The following GABBR2 variants were observed in gnomAD, a reference collection of about 807,000 sequenced individuals.
The protein encoded by GABBR2 is gamma-aminobutyric acid type B receptor subunit 2.
A neutral mutation model predicts 105.6 loss-of-function variants in GABBR2; 23 were observed. That is an observed-to-expected ratio of 0.22 (90% CI 0.16 to 0.31). The LOEUF (loss-of-function observed/expected upper bound fraction) is 0.31. Ranked by LOEUF, GABBR2 falls within the 10% of genes least tolerant of loss-of-function variation. GABBR2 has a pLI of 1.00. For synonymous variants in GABBR2, 478 were observed against 499.7 expected (o/e 0.96, Z 0.58); for missense variants, 734 against 1,245.5 (o/e 0.59, Z 6.18).
At position 98,362,847 on chromosome 9, in the gene GABBR2, G is replaced by A. The variant is rs545849602; in HGVS notation, c.1771-10C>T. 1.3e-5 allele frequency: 20 copies of A among 1,563,988 alleles called. 1 individual carries two copies. Among genetic ancestry groups the A allele is most frequent in the South Asian group, 8.6e-5 (7 of 81,356 alleles). On this transcript the variant is annotated splice_polypyrimidine_tract_variant and intron_variant, in intron 12 of 18. Coordinates refer to ENST00000259455, the MANE Select transcript of GABBR2 (RefSeq NM_005458.8). ...TCTGGTCCTTGATGATCTACAGAGC[G>A]GGAAGGAGCAGAGGGGAGCCGATGT...
chr9:98,478,340 G>A (rs375871969), intron 5 of GABBR2, among the ~76,000 whole-genome samples: 3 of 152,064 alleles, frequency 2.0e-5, no homozygotes, highest in Admixed American at 6.5e-5. Context: ...TTGATCCAGC[G>A]TGAAAACATT....
chr9:98,531,692 A>C (rs950409492), intron 3 of GABBR2, among the ~76,000 whole-genome samples: 3 of 152,262 alleles, frequency 2.0e-5, no homozygotes, highest in African/African-American at 7.2e-5. Context: ...CACATGAAAG[A>C]ACAAGTGTTG....
chr9:98,567,184 A>T (rs1828764620), intron 2 of GABBR2, among the ~76,000 whole-genome samples: 1 of 152,238 alleles, frequency 6.6e-6, no homozygotes, highest in Non-Finnish European at 1.5e-5. Flanking sequence ...GCGGTGAAAG[A>T]CGCATAAACA....
At chr9:98,592,631 C>T (rs1829162637) in intron 1 of GABBR2, among the ~76,000 whole-genome samples, 1 of 152,056 alleles carries the variant, frequency 6.6e-6, no homozygotes, top group African/African-American at 2.4e-5. Context: ...TAGAGCTGGC[C>T]AGAGATAGTG....
chr9:98,611,776 C>A (rs1435379625), intron 1 of GABBR2, among the ~76,000 whole-genome samples: 1 of 152,254 alleles, frequency 6.6e-6, no homozygotes, highest in Non-Finnish European at 1.5e-5. Flanking sequence ...TGGCTGTGGT[C>A]ACACTACATC....
intron 1 of GABBR2, among the ~76,000 whole-genome samples, chr9:98,671,925 G>C (rs1269219670): frequency 2.6e-5 from 4 of 152,162 alleles, no homozygotes; most frequent in African/African-American, 7.2e-5. Context: ...AGAACTAGCA[G>C]ATAAAACCTA....
intron 13 of GABBR2, among the ~76,000 whole-genome samples, chr9:98,359,019 G>A (rs1001103725): frequency 6.6e-6 from 1 of 152,014 alleles, no homozygotes; most frequent in Non-Finnish European, 1.5e-5. Flanking sequence ...ATAAAATGGG[G>A]GCAAAAATAT....
chr9:98,344,567 T>C (rs868145491), intron 13 of GABBR2, among the ~76,000 whole-genome samples: 1 of 152,122 alleles, frequency 6.6e-6, no homozygotes, highest in African/African-American at 2.4e-5. Context: ...CTCTCCCTTT[T>C]CAAATTCTTC....
Position 98,675,504 on chromosome 9 carries a change from T to C in GABBR2, c.321+32913A>G, listed in dbSNP as rs529117363. Among the ~76,000 whole-genome samples the C allele has an allele frequency of 2.6e-5, 4 of 152,312 alleles. No homozygotes were observed. The South Asian group carries it at 8.3e-4, about 32-fold the overall frequency. On this transcript the variant is annotated intron_variant, in intron 1 of 18. Coordinates refer to ENST00000259455, the MANE Select transcript of GABBR2 (RefSeq NM_005458.8). ...TAGAGATGACGCCAAAGCCCTCAGC[T>C]TGTGTGATCAGCATGAGGACAGTTC...
intron 1 of GABBR2, among the ~76,000 whole-genome samples, chr9:98,652,049 G>A (rs998174505): frequency 6.6e-6 from 1 of 152,178 alleles, no homozygotes; most frequent in Non-Finnish European, 1.5e-5. Flanking sequence ...AATTGTTGAA[G>A]CTGGGTGATA....
intron 2 of GABBR2, among the ~76,000 whole-genome samples, chr9:98,575,313 A>G (rs1828891649): frequency 6.6e-6 from 1 of 152,142 alleles, no homozygotes; most frequent in South Asian, 2.1e-4. Flanking sequence ...GTATAGGAAG[A>G]ATGGGATGTT....
intron 13 of GABBR2, among the ~76,000 whole-genome samples, chr9:98,358,486 C>T (rs184880674): frequency 2.0e-5 from 3 of 152,356 alleles, no homozygotes. Context: ...GCCAGACTGG[C>T]GTCCCTCCTC....
At chr9:98,382,674 A>G (rs1316704531) in intron 11 of GABBR2, among the ~76,000 whole-genome samples, 2 of 152,138 alleles carry the variant, frequency 1.3e-5, no homozygotes, top group Non-Finnish European at 2.9e-5. Flanking sequence ...GAGGAAGCCT[A>G]AGCACAGATG....
chr9:98,634,708 G>GT lies in GABBR2; in HGVS notation c.322-56637dup, dbSNP rs547670070. ...GTTTTAAGCCACCCAGTCTCTGGTT[G>GT]TTTTTTATGGCAGCCCTGGGAAATG... On this transcript the variant is annotated intron_variant, in intron 1 of 18. Coordinates refer to ENST00000259455, the MANE Select transcript of GABBR2 (RefSeq NM_005458.8). Among the ~76,000 whole-genome samples the GT allele has an allele frequency of 9.1e-4, 139 of 152,270 alleles. 1 individual carries two copies. The highest frequency in any genetic ancestry group is 1.6e-4 in the Non-Finnish European group (11 of 68,006).
intron 1 of GABBR2, among the ~76,000 whole-genome samples, chr9:98,613,761 A>C (rs1002772957): frequency 1.3e-5 from 2 of 152,236 alleles, no homozygotes; most frequent in African/African-American, 4.8e-5. Flanking sequence ...AAATATTAAG[A>C]GCGTTGACCA....
In GABBR2 at chr9:98,496,443, G is replaced by A. The variant is rs759372813; in HGVS notation, c.702C>T (p.Asn234=). ...GCTTTTTGACACTGGTACAGGGATC[G>A]TTGGAGAAGCTCTCGGTGTCTGAAA... ...IEISDTESFS[N]DPCTSVKKLK... is the part of the protein sequence containing the mutation. Residue 234 remains asparagine (N), a synonymous_variant, in exon 4 of 19, where the codon AAC becomes AAT. Coordinates refer to ENST00000259455, the MANE Select transcript of GABBR2 (RefSeq NM_005458.8). 38 of 1,612,168 alleles carry A rather than the reference G, an allele frequency of 2.4e-5. No individual in the cohort carries two copies. The highest frequency in any genetic ancestry group is 6.7e-5 in the East Asian group (3 of 44,870).
chr9:98,628,240 G>A (rs563217290), intron 1 of GABBR2, among the ~76,000 whole-genome samples: 11 of 150,786 alleles, frequency 7.3e-5, no homozygotes, highest in Admixed American at 3.9e-4. Flanking sequence ...AAGCTTCAGC[G>A]AAGCAAGAAC....
chr9:98,580,737 G>A (rs1205570664), intron 1 of GABBR2, among the ~76,000 whole-genome samples: 1 of 152,176 alleles, frequency 6.6e-6, no homozygotes, highest in African/African-American at 2.4e-5. Context: ...GCAGTGAGCC[G>A]AGATCGCGCC....
intron 3 of GABBR2, among the ~76,000 whole-genome samples, chr9:98,509,208 C>T (rs1224099812): frequency 1.3e-5 from 2 of 152,188 alleles, no homozygotes; most frequent in African/African-American, 4.8e-5. Flanking sequence ...AGCTGAGGGT[C>T]CTGTCCGTTA....
Sources: gnomAD v4.1 joint callset for allele counts (sites outside exome capture counted in the v4.1 genomes callset) on GRCh38, gnomAD v4.1.1 for gene constraint, MANE v1.5 for transcripts, NCBI Gene and HGNC (gene_info 2026-07-23, HGNC 2026-07-21) for gene names.